The following TSR1 variants were observed in gnomAD, a reference collection of about 807,000 sequenced individuals.
The protein encoded by TSR1 is pre-rRNA-processing protein TSR1 homolog.
Under a neutral mutation model 90.9 loss-of-function variants are expected in TSR1, and 81 were observed. That is an observed-to-expected ratio of 0.89 (90% CI 0.74 to 1.07). TSR1 has a LOEUF of 1.07. Ranked by LOEUF, TSR1 falls within the 50% of genes least tolerant of loss-of-function variation. The pLI, the probability that TSR1 is intolerant of heterozygous loss-of-function variation, is 0.00. For missense variants in TSR1, 989 were observed against 987.3 expected (o/e 1.00, Z -0.02); for synonymous variants, 362 against 348.8 (o/e 1.04, Z -0.42).
chr17:2,323,447 G>C lies in TSR1; in HGVS notation c.*749C>G. 1 of 1,379,132 alleles carries C rather than the reference G, an allele frequency of 7.3e-7. No homozygotes were observed. The highest frequency in any genetic ancestry group is 1.0e-6 in the Non-Finnish European group (1 of 986,162). The allele number at this position is 1,379,132 out of a possible 1,614,324, so 85.4% of individuals were successfully genotyped here. On this transcript the variant is annotated 3_prime_UTR_variant, in exon 15 of 15. Coordinates refer to ENST00000301364, the MANE Select transcript of TSR1 (RefSeq NM_018128.5). ...CAAGTGACCCACGGGAACCTGACTA[G>C]GTAACTTCATGACATGGGAGGGTAC...
At position 2,323,565 on chromosome 17, in the gene TSR1, T is replaced by C; in HGVS notation, c.*631A>G. ...CGTGTGTACACAGTGATAAGAAAATTCAAACTGGACACGTATTCTCATCTG... is the reference window on the plus strand; with the variant it reads ...CGTGTGTACACAGTGATAAGAAAATCCAAACTGGACACGTATTCTCATCTG... On this transcript the variant is annotated 3_prime_UTR_variant, in exon 15 of 15. Coordinates refer to ENST00000301364, the MANE Select transcript of TSR1 (RefSeq NM_018128.5). 7.2e-7 allele frequency: 1 copy of C among 1,395,220 alleles called. No homozygotes were observed. The highest frequency in any genetic ancestry group is 1.0e-6 in the Non-Finnish European group (1 of 995,936). The allele number at this position is 1,395,220 out of a possible 1,614,324, so 86.4% of individuals were successfully genotyped here.
chr17:2,323,590 G>C lies in TSR1; in HGVS notation c.*606C>G. ...TCAAACTGGACACGTATTCTCATCT[G>C]AACTTTATAGGTAAACCAACTAGAC... On this transcript the variant is annotated 3_prime_UTR_variant, in exon 15 of 15. Transcript: ENST00000301364. 6.5e-7 allele frequency: 1 copy of C among 1,538,112 alleles called. No homozygotes were observed. The highest frequency in any genetic ancestry group is 9.0e-7 in the Non-Finnish European group (1 of 1,114,282).
At chr17:2,336,256 A>C in intron 1 of TSR1, 75 bp downstream of exon 1, 1 of 1,594,114 alleles carries the variant, frequency 6.3e-7, no homozygotes, top group East Asian at 2.2e-5. Flanking sequence ...GGGAGACAGA[A>C]GCTCAGTCTG....
chr17:2,328,241 CAAAAAAAAAAA>C (rs34888941), intron 11 of TSR1, among the ~76,000 whole-genome samples: 3 of 72,350 alleles, frequency 4.1e-5, no homozygotes, highest in Admixed American at 3.2e-4. Context: ...GACTCGGTCT[CAAAAAAAAAAA>C]AAAAAAAAAA....
chr17:2,322,898 G>A lies in TSR1; in HGVS notation c.*1298C>T, dbSNP rs2075544857. 1 of 464,734 alleles carries A rather than the reference G, an allele frequency of 2.2e-6. No homozygotes were observed. Among genetic ancestry groups the A allele is most frequent in the African/African-American group, 2.0e-5 (1 of 50,478 alleles). 28.8% of individuals were successfully genotyped at this position (464,734 alleles called of 1,614,324 possible). Reference sequence around the variant, plus strand: ...TCCTACCTCAGCCTCTTGAGTAGCTGGGATTACAGGGGTCTGCCACCACGC... The same window carrying A: ...TCCTACCTCAGCCTCTTGAGTAGCTAGGATTACAGGGGTCTGCCACCACGC... On this transcript the variant is annotated 3_prime_UTR_variant, in exon 15 of 15. Transcript: ENST00000301364.
At chr17:2,329,052 C>A in intron 11 of TSR1, 1 of 608,186 alleles carries the variant, frequency 1.6e-6, no homozygotes, top group Non-Finnish European at 3.1e-6. Flanking sequence ...ACCACTGCAC[C>A]CACCCTAATA....
rs746466959 is a variant in TSR1 at position 2,323,726 on chromosome 17, T to A, written c.*470A>T. 2 of 1,613,904 alleles carry A rather than the reference T, an allele frequency of 1.2e-6. No homozygotes were observed. The highest frequency in any genetic ancestry group is 8.5e-7 in the Non-Finnish European group (1 of 1,179,948). ...CTACAGCTGGTGTTGGAGTGGCTGCTGTGCTGTCTCAACATTTTCAAACTG... is the reference window on the plus strand; with the variant it reads ...CTACAGCTGGTGTTGGAGTGGCTGCAGTGCTGTCTCAACATTTTCAAACTG... On this transcript the variant is annotated 3_prime_UTR_variant, in exon 15 of 15. Transcript: ENST00000301364.
chr17:2,332,710 G>A (rs1367270446), intron 7 of TSR1, among the ~76,000 whole-genome samples: 1 of 152,032 alleles, frequency 6.6e-6, no homozygotes, highest in Non-Finnish European at 1.5e-5. Flanking sequence ...GGTGGTGGGC[G>A]CCTGTAGTCC....
intron 6 of TSR1, 181 bp downstream of exon 6, chr17:2,333,376 G>T: frequency 1.1e-6 from 1 of 918,548 alleles, no homozygotes; most frequent in Non-Finnish European, 1.7e-6. Flanking sequence ...GTAATTTTGA[G>T]AAATGGAACA....
At chr17:2,334,191 T>G (rs1441692550) in intron 5 of TSR1, among the ~76,000 whole-genome samples, 1 of 152,214 alleles carries the variant, frequency 6.6e-6, no homozygotes, top group African/African-American at 2.4e-5. Flanking sequence ...ATCTCAATCT[T>G]TATTTCACAC....
intron 12 of TSR1, 193 bp from the exon 13 acceptor site, chr17:2,325,022 G>C (rs1166028201): frequency 1.6e-6 from 1 of 630,114 alleles, no homozygotes; most frequent in African/African-American, 1.8e-5. Flanking sequence ...TGTACTTCAA[G>C]AGAAATGATG....
chr17:2,333,713 A>T lies in TSR1; in HGVS notation c.985T>A (p.Cys329Ser), dbSNP rs776640503. The T allele has an allele frequency of 6.2e-7, 1 of 1,614,042 alleles. No homozygotes were observed. Among genetic ancestry groups the T allele is most frequent in the Non-Finnish European group, 8.5e-7 (1 of 1,179,938 alleles). The stretch of plus-strand genomic sequence containing the variant: ...ATATCATCTACAGCATCCGTAGCAC[A>T]AATCTGAAAACCAAAAGCAGGTGAT... ...QKDPDMAMEI[C>S]ATDAVDDMEE... The change falls in exon 6 of 15, where the codon TGT (cysteine) becomes AGT (serine). Residue 329 changes from cysteine to serine, a missense_variant. Transcript: ENST00000301364.
At position 2,332,301 on chromosome 17, in the gene TSR1, T is replaced by A. The variant is rs779084808; in HGVS notation, c.1364A>T (p.His455Leu). The change falls in exon 8 of 15, where the codon CAT (histidine) becomes CTT (leucine). Residue 455 changes from histidine to leucine, a missense_variant. Coordinates refer to ENST00000301364, the MANE Select transcript of TSR1 (RefSeq NM_018128.5). Reference sequence around the variant, plus strand: ...TACTTTCTTATCATACAGATCATCATGCACAGACTCCCCAATAGTCATAGT... The same window carrying A: ...TACTTTCTTATCATACAGATCATCAAGCACAGACTCCCCAATAGTCATAGT... ...YETMTIGESVHDDLYDKKVDE... is the reference protein window; with the variant it reads ...YETMTIGESVLDDLYDKKVDE... The A allele has an allele frequency of 1.9e-6, 3 of 1,613,566 alleles. No homozygotes were observed. The African/African-American group carries it at 4.0e-5, about 22-fold the overall frequency.
intron 3 of TSR1, 53 bp from the exon 4 acceptor site, chr17:2,335,447 TAA>T (rs776757233): frequency 8.6e-3 from 12,446 of 1,455,612 alleles, no homozygotes; most frequent in South Asian, 0.02. Context: ...CACATTATTC[TAA>T]AAAAAAAAAA....
intron 10 of TSR1, chr17:2,330,186 G>T (rs1458545652): frequency 2.1e-6 from 1 of 469,718 alleles, no homozygotes; most frequent in African/African-American, 2.0e-5. Context: ...CCCAAAAAGT[G>T]CTGGGATTAC....
chr17:2,335,914 G>A (rs1217585630), intron 2 of TSR1, 123 bp downstream of exon 2: 14 of 1,247,472 alleles, frequency 1.1e-5, no homozygotes, highest in South Asian at 2.7e-5. Flanking sequence ...CTGCACGCTC[G>A]ACACGTGCTC....
At chr17:2,328,440 T>C (rs895147018) in intron 11 of TSR1, among the ~76,000 whole-genome samples, 1 of 151,446 alleles carries the variant, frequency 6.6e-6, no homozygotes, top group Non-Finnish European at 1.5e-5. Flanking sequence ...AAAAATTAGC[T>C]GGGCATGGTC....
chr17:2,333,812 TA>T, intron 5 of TSR1, 96 bp from the exon 6 acceptor site: 1 of 1,474,632 alleles, frequency 6.8e-7, no homozygotes, highest in Non-Finnish European at 9.3e-7. Context: ...AGTCCTCATG[TA>T]TAAGATGAGT....
rs761929655 is a variant in TSR1 at position 2,336,318 on chromosome 17, GTTATCTCC to G, written c.97+5_97+12del. ...GCCAAATAGCCCTTATTCCTTCTAC[GTTATCTCC>G]TTACCCTTGCCGTCCCGCTGTGCAG... On this transcript the variant is annotated splice_donor_5th_base_variant and intron_variant, in intron 1 of 14. Transcript: ENST00000301364. The G allele has an allele frequency of 6.2e-7, 1 of 1,614,124 alleles. No individual in the cohort carries two copies. The highest frequency in any genetic ancestry group is 8.5e-7 in the Non-Finnish European group (1 of 1,179,962).
Sources: allele counts gnomAD v4.1 joint callset (sites outside exome capture counted in the v4.1 genomes callset), GRCh38; gene constraint gnomAD v4.1.1; transcripts MANE v1.5; gene names NCBI Gene and HGNC (gene_info 2026-07-23, HGNC 2026-07-21).